TANC2: variants seen among roughly 807,000 people sequenced by gnomAD.
TANC2 encodes tetratricopeptide repeat, ankyrin repeat and coiled-coil containing 2.
Under a neutral mutation model 210.5 loss-of-function variants are expected in TANC2, and 26 were observed. That is an observed-to-expected ratio of 0.12 (90% CI 0.09 to 0.17). The LOEUF (loss-of-function observed/expected upper bound fraction) is 0.17. Ranked by LOEUF, TANC2 falls within the 10% of genes least tolerant of loss-of-function variation. The pLI is 1.00. For missense variants in TANC2, 2,129 were observed against 2,608.9 expected (o/e 0.82, Z 4.01); for synonymous variants, 931 against 967.1 (o/e 0.96, Z 0.69).
At chr17:63,038,927 T>C (rs558364583) in intron 2 of TANC2, among the ~76,000 whole-genome samples, 4 of 152,208 alleles carry the variant, frequency 2.6e-5, no homozygotes, top group African/African-American at 7.2e-5. Context: ...TGGATAAGAG[T>C]GTATGTGTTT....
chr17:62,968,376 A>G (rs889417585), intron 1 of TANC2: 16 of 152,236 alleles, frequency 1.1e-4, no homozygotes, highest in Admixed American at 7.8e-4. Context: ...GAAAATTCAT[A>G]CTGATTGGCT....
chr17:63,059,804 T>C lies in TANC2; in HGVS notation c.68-14139T>C, dbSNP rs187415974. ...ATAGTCTTGATAGTTTCCTTACTATTGGGGATGTCAGATGTTCCAGGTTCA... is the reference window on the plus strand; with the variant it reads ...ATAGTCTTGATAGTTTCCTTACTATCGGGGATGTCAGATGTTCCAGGTTCA... On this transcript the variant is annotated intron_variant, in intron 2 of 27. Transcript: ENST00000689528. 1.2e-3 allele frequency among the ~76,000 whole-genome samples: 182 copies of C among 152,254 alleles called. 1 individual carries two copies. The highest frequency in any genetic ancestry group is 1.8e-4 in the Non-Finnish European group (12 of 68,004).
chr17:63,229,487 A>G (rs774996046), intron 7 of TANC2, among the ~76,000 whole-genome samples: 8 of 151,700 alleles, frequency 5.3e-5, no homozygotes, highest in Non-Finnish European at 1.0e-4. Context: ...GAATAGTTTC[A>G]GAACAAACAG....
chr17:63,367,117 A>G (rs905610829), intron 14 of TANC2, among the ~76,000 whole-genome samples: 16 of 152,388 alleles, frequency 1.0e-4, no homozygotes, highest in Middle Eastern at 3.4e-3. Context: ...TGAATTGGAA[A>G]GTGAATCTGG....
rs8079465 is a variant in TANC2 at position 63,245,626 on chromosome 17, A to G, written c.1033+7549A>G. On this transcript the variant is annotated intron_variant, in intron 8 of 27. Transcript: ENST00000689528. Reference sequence around the variant, plus strand: ...GAGAGGCTGAGGCAGACGAATCACGAGGTCAGGAGTTCAAGACCAGCCTGG... The same window carrying G: ...GAGAGGCTGAGGCAGACGAATCACGGGGTCAGGAGTTCAAGACCAGCCTGG... Among the ~76,000 whole-genome samples the G allele has an allele frequency of 6.2e-3, 937 of 152,014 alleles. 8 individuals carry two copies. Among genetic ancestry groups the G allele is most frequent in the African/African-American group, 0.02 (823 of 41,482 alleles).
At chr17:63,141,184 G>A (rs1287682966) in intron 4 of TANC2, among the ~76,000 whole-genome samples, 5 of 151,722 alleles carry the variant, frequency 3.3e-5, no homozygotes, top group Admixed American at 3.3e-4. Flanking sequence ...TGCAAAACAG[G>A]ATTAATGTAT....
chr17:63,204,039 C>T (rs149663164), intron 7 of TANC2, among the ~76,000 whole-genome samples: 1,712 of 152,192 alleles, frequency 0.011, 31 homozygotes, highest in African/African-American at 0.038. Context: ...AATGTTAATG[C>T]CGTGACTGCA....
chr17:63,025,529 C>T (rs1347758145), intron 2 of TANC2, among the ~76,000 whole-genome samples: 1 of 152,132 alleles, frequency 6.6e-6, no homozygotes, highest in African/African-American at 2.4e-5. Context: ...GGCATGGTAG[C>T]TCACGCCTGT....
At chr17:63,128,207 A>G (rs2038783000) in intron 4 of TANC2, among the ~76,000 whole-genome samples, 1 of 152,214 alleles carries the variant, frequency 6.6e-6, no homozygotes, top group Non-Finnish European at 1.5e-5. Context: ...CTACTCAATA[A>G]TAATTGTACA....
intron 2 of TANC2, among the ~76,000 whole-genome samples, chr17:63,046,262 C>T (rs1176906870): frequency 2.8e-5 from 4 of 142,168 alleles, no homozygotes; most frequent in Admixed American, 7.2e-5. Flanking sequence ...TGGGTTTAAG[C>T]GATTCTCCTG....
chr17:63,060,935 G>T (rs1242153219), intron 2 of TANC2, among the ~76,000 whole-genome samples: 1 of 152,088 alleles, frequency 6.6e-6, no homozygotes, highest in Non-Finnish European at 1.5e-5. Context: ...TGGAAATGAG[G>T]TTTGATGTGT....
Position 63,418,190 on chromosome 17 carries a change from G to A in TANC2, c.4168-117G>A, listed in dbSNP as rs533570995. On this transcript the variant is annotated intron_variant, in intron 26 of 27. Transcript: ENST00000689528. This position sits in a 1 kb window ranked among gnomAD's most constrained non-coding sequence, Gnocchi z 4.6. ...TTGAGCCATGTCAGGCACGTCTAGC[G>A]TCCCAGGCGTTCCATCCATGAATGT... 26 of 1,048,052 alleles carry A rather than the reference G, an allele frequency of 2.5e-5. No individual in the cohort carries two copies. The highest frequency in any genetic ancestry group is 4.8e-5 in the African/African-American group (3 of 63,126). 64.9% of individuals were successfully genotyped at this position (1,048,052 alleles called of 1,614,324 possible). A position where few individuals can be genotyped will look rare whatever the true frequency, so the allele number is the denominator to read the frequency against.
intron 2 of TANC2, 44 bp downstream of exon 2, chr17:63,009,670 T>C: frequency 1.3e-6 from 2 of 1,554,954 alleles, no homozygotes; most frequent in Non-Finnish European, 1.8e-6. Context: ...ATTTTACAAA[T>C]ACAAGTTCTT....
intron 1 of TANC2, among the ~76,000 whole-genome samples, chr17:63,005,553 CAGTA>C (rs1171257765): frequency 6.6e-6 from 1 of 151,054 alleles, no homozygotes; most frequent in Non-Finnish European, 1.5e-5. Flanking sequence ...GACATTTTAA[CAGTA>C]AGTATTCAAC....
chr17:63,392,206 T>C (rs2048003048), intron 17 of TANC2, among the ~76,000 whole-genome samples: 2 of 152,202 alleles, frequency 1.3e-5, no homozygotes, highest in Admixed American at 6.5e-5. Context: ...CCTACCTACA[T>C]TTTGGTGACT....
Position 63,184,814 on chromosome 17 carries a change from C to T in TANC2, c.434-9177C>T, listed in dbSNP as rs138939308. ...GATTACAGGCGCCTGCCACCACACC[C>T]GGCTAAATTTTTTTGTATTTTTAGT... On this transcript the variant is annotated intron_variant, in intron 5 of 27. Transcript: ENST00000689528. Among the ~76,000 whole-genome samples the T allele has an allele frequency of 6.7e-4, 101 of 151,872 alleles. No individual in the cohort carries two copies. In the East Asian group the frequency reaches 9.7e-3, roughly 15 times the overall value.
chr17:63,178,095 G>A (rs1368031023), intron 5 of TANC2, among the ~76,000 whole-genome samples: 1 of 152,226 alleles, frequency 6.6e-6, no homozygotes, highest in Admixed American at 6.5e-5. Flanking sequence ...ACTTTGGGAG[G>A]CCAAGGTGGG....
chr17:63,093,242 G>GT (rs567578179), intron 3 of TANC2, among the ~76,000 whole-genome samples: 3,642 of 145,040 alleles, frequency 0.025, 51 homozygotes, highest in Middle Eastern at 0.032. Flanking sequence ...TAGTTTTATA[G>GT]TTTTTTTTTT....
chr17:63,186,348 CTCTT>C (rs2040982349), intron 5 of TANC2, among the ~76,000 whole-genome samples: 4 of 135,430 alleles, frequency 3.0e-5, no homozygotes, highest in Admixed American at 2.2e-4. Flanking sequence ...TTCTCTCTCT[CTCTT>C]TTTTTTTTTT....
Sources: allele counts gnomAD v4.1 joint callset (sites outside exome capture counted in the v4.1 genomes callset), GRCh38; gene constraint gnomAD v4.1.1; non-coding constraint Gnocchi (gnomAD v3.1); transcripts MANE v1.5; gene names NCBI Gene and HGNC (gene_info 2026-07-23, HGNC 2026-07-21).